ZNF492: variants seen among roughly 807,000 people sequenced by gnomAD.
ZNF492 encodes zinc finger protein 115 (Y20).
Under a neutral mutation model 6.4 loss-of-function variants are expected in ZNF492, and 3 were observed. The observed-to-expected ratio is 0.47, with a 90% CI of 0.21 to 1.22. The LOEUF (loss-of-function observed/expected upper bound fraction) is 1.22. ZNF492 is among the 50% of genes most tolerant of loss of function. The pLI is 0.22. For missense variants in ZNF492, 356 were observed against 612.5 expected (o/e 0.58, Z 4.42); for synonymous variants, 112 against 205.3 (o/e 0.55, Z 3.89).
chr19:22,655,805 T>C (rs1216615850), intron 3 of ZNF492, among the ~76,000 whole-genome samples: 1 of 142,864 alleles, frequency 7.0e-6, no homozygotes, highest in Non-Finnish European at 1.5e-5. Flanking sequence ...CCTCTTCAAG[T>C]TTTTCTTGTT....
intron 1 of ZNF492, among the ~76,000 whole-genome samples, chr19:22,638,434 C>T (rs1392589942): frequency 6.6e-6 from 1 of 151,990 alleles, no homozygotes; most frequent in Non-Finnish European, 1.5e-5. Context: ...TCTACATAGT[C>T]CTAGCTAGTT....
intron 3 of ZNF492, among the ~76,000 whole-genome samples, chr19:22,655,863 C>T (rs574916630): frequency 8.3e-4 from 99 of 119,952 alleles, no homozygotes; most frequent in Non-Finnish European, 1.2e-3. Context: ...CTCACTCTGT[C>T]GCTGAGACTG....
rs1175269696 is a variant in ZNF492, at chr19:22,666,204, T to G, written c.*939T>G. The G allele has an allele frequency of 7.0e-6, 1 of 142,164 alleles. No individual in the cohort carries two copies. The highest frequency in any genetic ancestry group is 1.9e-4 in the East Asian group (1 of 5,182). 8.8% of individuals were successfully genotyped at this position (142,164 alleles called of 1,614,324 possible). A position where few individuals can be genotyped will look rare whatever the true frequency, so the allele number is the denominator to read the frequency against. On this transcript the variant is annotated 3_prime_UTR_variant, in exon 4 of 4. Coordinates refer to ENST00000456783, the MANE Select transcript of ZNF492 (RefSeq NM_020855.3). ...TTTCTTCTTCTTTTTTTTTTTTTTT[T>G]TAGATGGAGTCTTGCTCTATCGCCC...
At chr19:22,651,138 T>G (rs1272146880) in intron 1 of ZNF492, among the ~76,000 whole-genome samples, 1 of 151,994 alleles carries the variant, frequency 6.6e-6, no homozygotes, top group African/African-American at 2.4e-5. Context: ...CCGCCTCCCT[T>G]GGCTGGGGGG....
At chr19:22,650,369 CCA>C (rs1167332941) in intron 1 of ZNF492, among the ~76,000 whole-genome samples, 9 of 152,130 alleles carry the variant, frequency 5.9e-5, no homozygotes, top group Non-Finnish European at 1.2e-4. Flanking sequence ...TCTGACAACC[CCA>C]GTTGGAGTAT....
intron 1 of ZNF492, among the ~76,000 whole-genome samples, chr19:22,635,530 G>T (rs1385202295): frequency 6.6e-6 from 1 of 152,198 alleles, no homozygotes; most frequent in East Asian, 1.9e-4. Context: ...TTTCCCATGA[G>T]AAGAAAGCAA....
intron 1 of ZNF492, among the ~76,000 whole-genome samples, chr19:22,645,291 C>T (rs1458540500): frequency 6.6e-6 from 1 of 152,174 alleles, no homozygotes; most frequent in South Asian, 2.1e-4. Context: ...AAACGATCCA[C>T]CCACCTTGGC....
At chr19:22,637,188 A>C (rs1409341549) in intron 1 of ZNF492, among the ~76,000 whole-genome samples, 1 of 151,682 alleles carries the variant, frequency 6.6e-6, no homozygotes, top group Admixed American at 6.6e-5. Context: ...CATGTTGGTC[A>C]GGCTGGTCTC....
At chr19:22,644,156 T>C (rs1451443882) in intron 1 of ZNF492, among the ~76,000 whole-genome samples, 1 of 152,168 alleles carries the variant, frequency 6.6e-6, no homozygotes, top group Non-Finnish European at 1.5e-5. Context: ...CAAGATGCGG[T>C]GTAATTTGTC....
rs762719386 is a variant in ZNF492, at chr19:22,664,031, T to A, written c.362T>A (p.Val121Asp). 6.2e-7 allele frequency: 1 copy of A among 1,606,734 alleles called. No individual in the cohort carries two copies. The highest frequency in any genetic ancestry group is 1.7e-5 in the Admixed American group (1 of 57,910). The stretch of plus-strand genomic sequence containing the variant: ...TTTCAATGTGACAAATATGTGAAAG[T>A]CTTTCATAAATTTTCAAATTCAAAC... The part of the protein sequence containing the change: ...KIFQCDKYVK[V>D]FHKFSNSNRH... Residue 121 changes from valine (V) to aspartate (D), a missense_variant, in exon 4 of 4, where the codon GTC (valine) becomes GAC (aspartate). By Grantham distance (152) the Val-to-Asp change is radical. This residue lies in a region of ZNF492 where 196 missense variants were observed against 219.4 expected (regional missense o/e 0.89). Coordinates refer to ENST00000456783, the MANE Select transcript of ZNF492 (RefSeq NM_020855.3).
At chr19:22,653,280 A>T (rs1971960125) in intron 1 of ZNF492, 27 bp from the exon 2 acceptor site, 1 of 1,607,630 alleles carries the variant, frequency 6.2e-7, no homozygotes, top group Middle Eastern at 1.7e-4. Flanking sequence ...CTTGGTAAAT[A>T]TGTATGTGTG....
At chr19:22,642,993 G>A (rs1183716333) in intron 1 of ZNF492, among the ~76,000 whole-genome samples, 1 of 152,164 alleles carries the variant, frequency 6.6e-6, no homozygotes, top group Non-Finnish European at 1.5e-5. Flanking sequence ...TCTGGCCGTG[G>A]TGGCTCACTC....
intron 1 of ZNF492, among the ~76,000 whole-genome samples, chr19:22,652,564 T>C (rs1971951077): frequency 6.6e-6 from 1 of 151,350 alleles, no homozygotes; most frequent in Non-Finnish European, 1.5e-5. Flanking sequence ...AACTCAGATT[T>C]TATTCCAAAT....
chr19:22,655,813 GTTGTTT>G (rs1200013464), intron 3 of ZNF492, among the ~76,000 whole-genome samples: 44 of 64,890 alleles, frequency 6.8e-4, no homozygotes, highest in African/African-American at 3.4e-3. Flanking sequence ...AGTTTTTCTT[GTTGTTT>G]TTTTTTTTTT....
At chr19:22,657,459 T>C (rs913349895) in intron 3 of ZNF492, among the ~76,000 whole-genome samples, 1 of 152,160 alleles carries the variant, frequency 6.6e-6, no homozygotes, top group African/African-American at 2.4e-5. Flanking sequence ...TATCAGTTTG[T>C]CATTAGAGTC....
At chr19:22,635,163 T>TAA (rs34868039) in intron 1 of ZNF492, among the ~76,000 whole-genome samples, 3 of 144,596 alleles carry the variant, frequency 2.1e-5, no homozygotes, top group African/African-American at 7.6e-5. Context: ...TAGTAATTTC[T>TAA]AAAAAAAAAA....
At position 22,658,549 on chromosome 19, in the gene ZNF492, C is replaced by G. The variant is rs1240346373; in HGVS notation, c.130+4534C>G. Among the ~76,000 whole-genome samples the G allele has an allele frequency of 2.1e-5, 3 of 141,850 alleles. 1 individual carries two copies. Among genetic ancestry groups the G allele is most frequent in the African/African-American group, 5.8e-5 (2 of 34,478 alleles). 93.1% of individuals were successfully genotyped at this position (141,850 alleles called of 152,430 possible). A position where few individuals can be genotyped will look rare whatever the true frequency, so the allele number is the denominator to read the frequency against. On this transcript the variant is annotated intron_variant, in intron 3 of 3. Coordinates refer to ENST00000456783, the MANE Select transcript of ZNF492 (RefSeq NM_020855.3). Reference sequence around the variant, plus strand: ...CACTTTTCAAATACCGTTCTGTTTTCTGTTTCTAAGAGTATAACTGCTTTA... The same window carrying G: ...CACTTTTCAAATACCGTTCTGTTTTGTGTTTCTAAGAGTATAACTGCTTTA...
intron 1 of ZNF492, among the ~76,000 whole-genome samples, chr19:22,639,041 C>T (rs12972867): frequency 0.19 from 29,396 of 151,836 alleles, 3,695 homozygotes; most frequent in African/African-American, 0.36. Flanking sequence ...GGGGTTTCAC[C>T]GTGTTGGCCA....
chr19:22,660,072 C>G (rs62118817), intron 3 of ZNF492, among the ~76,000 whole-genome samples: 12,220 of 152,090 alleles, frequency 0.08, 533 homozygotes, highest in South Asian at 0.11. Flanking sequence ...TTGCATAATA[C>G]TATCTTGATT....
Sources: gnomAD v4.1 joint callset for allele counts (sites outside exome capture counted in the v4.1 genomes callset) on GRCh38, gnomAD v4.1.1 for gene constraint, gnomAD v4.1.1 regional missense constraint, MANE v1.5 for transcripts, NCBI Gene and HGNC (gene_info 2026-07-23, HGNC 2026-07-21) for gene names.